PRKCD: variants seen among roughly 807,000 people sequenced by gnomAD.
The protein encoded by PRKCD is protein kinase C delta, also known as protein kinase C delta type.
PRKCD carries 20 observed loss-of-function variants against 82.2 expected under a neutral mutation model. The observed-to-expected ratio is 0.24, with a 90% CI of 0.17 to 0.35. The LOEUF (loss-of-function observed/expected upper bound fraction) is 0.35, where lower values mean the gene tolerates loss of function less well. Ranked by LOEUF, PRKCD falls within the 10% of genes least tolerant of loss-of-function variation. The probability of loss-of-function intolerance (pLI) is 1.00; values close to 1 mark genes in which losing one functional copy is unlikely to be tolerated. For missense variants in PRKCD, 607 were observed against 899.0 expected, an observed-to-expected ratio of 0.68 and a Z score of 4.15; for synonymous variants, 317 against 337.0, an observed-to-expected ratio of 0.94 and a Z score of 0.65.
chr3:53,189,282 T>G, intron 17 of PRKCD, 36 bp downstream of exon 17: 11 of 1,468,542 alleles, frequency 7.5e-6, no homozygotes, highest in East Asian at 2.4e-5. Context: ...TGGTCTGGGC[T>G]GGGCTGGGGC....
At chr3:53,174,676 G>C (rs1223925335) in intron 2 of PRKCD, among the ~76,000 whole-genome samples, 1 of 152,204 alleles carries the variant, frequency 6.6e-6, no homozygotes, top group African/African-American at 2.4e-5. Flanking sequence ...AAGATGTGGG[G>C]CTCTGGGTAG....
At chr3:53,163,479 C>T (rs557223280) in intron 1 of PRKCD, among the ~76,000 whole-genome samples, 2 of 152,038 alleles carry the variant, frequency 1.3e-5, no homozygotes, top group Admixed American at 1.3e-4. Context: ...ACCAAGACCT[C>T]GGGCTCTGTA....
rs781967950 is a variant in PRKCD at position 53,181,747 on chromosome 3, A to C, written c.571+15A>C. The C allele has an allele frequency of 3.7e-5, 59 of 1,614,060 alleles. No individual in the cohort carries two copies. The highest frequency in any genetic ancestry group is 4.8e-5 in the Non-Finnish European group (57 of 1,180,042). On this transcript the variant is annotated intron_variant, in intron 7 of 18. Coordinates refer to ENST00000330452, the MANE Select transcript of PRKCD (RefSeq NM_006254.4). The stretch of plus-strand genomic sequence containing the variant: ...CAAATGCAGGCGTAAGTGTCTCCAC[A>C]GGCCAGTTTGTACGTATGTACCCAT...
chr3:53,192,352 T>C lies in PRKCD; in HGVS notation c.*86T>C. ...AAGCACCAGTGGGACTGTGGTGACTTCTGCTGCTGGCCCCGCCCCTGCCCC... is the reference window on the plus strand; with the variant it reads ...AAGCACCAGTGGGACTGTGGTGACTCCTGCTGCTGGCCCCGCCCCTGCCCC... On this transcript the variant is annotated 3_prime_UTR_variant, in exon 19 of 19. Coordinates refer to ENST00000330452, the MANE Select transcript of PRKCD (RefSeq NM_006254.4). 6.6e-7 allele frequency: 1 copy of C among 1,515,152 alleles called. No individual in the cohort carries two copies. Among genetic ancestry groups the C allele is most frequent in the Non-Finnish European group, 9.1e-7 (1 of 1,102,292 alleles). The allele number at this position is 1,515,152 out of a possible 1,614,324, so 93.9% of individuals were successfully genotyped here. A position where few individuals can be genotyped will look rare whatever the true frequency, so the allele number is the denominator to read the frequency against.
At chr3:53,167,388 T>G (rs1575523694) in intron 2 of PRKCD, among the ~76,000 whole-genome samples, 1 of 152,164 alleles carries the variant, frequency 6.6e-6, no homozygotes, top group Admixed American at 6.5e-5. Flanking sequence ...GGCTCCTTTC[T>G]TGCTCTGAGC....
At chr3:53,187,054 C>T (rs1296528429) in intron 14 of PRKCD, among the ~76,000 whole-genome samples, 3 of 151,288 alleles carry the variant, frequency 2.0e-5, no homozygotes, top group Non-Finnish European at 3.0e-5. Context: ...CCAAACTAAC[C>T]GTGTATGTGT....
In PRKCD at chr3:53,185,907, A is replaced by G. The variant is rs782433902; in HGVS notation, c.986-20A>G. The G allele has an allele frequency of 1.9e-6, 3 of 1,612,394 alleles. No individual in the cohort carries two copies. The highest frequency in any genetic ancestry group is 2.5e-6 in the Non-Finnish European group (3 of 1,178,594). ...TGTAGACTGAGACCCCGATCTGAGGAGGTGCCATCTCTCGGGCAGACAACA... is the reference window on the plus strand; with the variant it reads ...TGTAGACTGAGACCCCGATCTGAGGGGGTGCCATCTCTCGGGCAGACAACA... On this transcript the variant is annotated intron_variant, in intron 11 of 18. Coordinates refer to ENST00000330452, the MANE Select transcript of PRKCD (RefSeq NM_006254.4).
chr3:53,182,406 T>C (rs1703480265), intron 7 of PRKCD, among the ~76,000 whole-genome samples: 1 of 152,098 alleles, frequency 6.6e-6, no homozygotes, highest in African/African-American at 2.4e-5. Flanking sequence ...GTAGCTGGGA[T>C]TACAGGCGTG....
At position 53,164,362 on chromosome 3, in the gene PRKCD, A is replaced by G. The variant is rs115825787; in HGVS notation, c.-131-742A>G. ...CATTTTGGGAAGCCGAGGCAGGTGG[A>G]TCACTTGGTCAGGAATTTGAGACCA... On this transcript the variant is annotated intron_variant, in intron 1 of 18. Coordinates refer to ENST00000330452, the MANE Select transcript of PRKCD (RefSeq NM_006254.4). 2.3e-3 allele frequency among the ~76,000 whole-genome samples: 354 copies of G among 152,332 alleles called. 2 individuals carry two copies. The highest frequency in any genetic ancestry group is 8.2e-3 in the African/African-American group (341 of 41,582).
chr3:53,188,541 T>G (rs924112902), intron 15 of PRKCD, among the ~76,000 whole-genome samples, 179 bp from the exon 16 acceptor site: 3 of 152,194 alleles, frequency 2.0e-5, no homozygotes, highest in Non-Finnish European at 4.4e-5. Flanking sequence ...AGTAGGGGAC[T>G]TGCAAGAAGC....
intron 2 of PRKCD, among the ~76,000 whole-genome samples, chr3:53,176,908 A>C (rs1703231613): frequency 6.6e-6 from 1 of 152,158 alleles, no homozygotes; most frequent in Non-Finnish European, 1.5e-5. Flanking sequence ...AGCTCACTGC[A>C]ACCTCTGCCT....
At chr3:53,183,682 AC>A in intron 9 of PRKCD, 101 bp downstream of exon 9, 1 of 1,481,080 alleles carries the variant, frequency 6.8e-7, no homozygotes, top group South Asian at 1.3e-5. Flanking sequence ...TCACCTGGAG[AC>A]GGGCACCTCA....
intron 1 of PRKCD, among the ~76,000 whole-genome samples, chr3:53,164,486 G>C (rs1553663538): frequency 6.6e-6 from 1 of 152,096 alleles, no homozygotes; most frequent in Non-Finnish European, 1.5e-5. Context: ...AGGAGGCTGA[G>C]GCACGAGAAT....
At chr3:53,188,888 C>G in intron 16 of PRKCD, 30 bp downstream of exon 16, 1 of 1,610,798 alleles carries the variant, frequency 6.2e-7, no homozygotes, top group Non-Finnish European at 8.5e-7. Context: ...GCCCCCCGCT[C>G]AGTCAGGCAC....
intron 1 of PRKCD, among the ~76,000 whole-genome samples, chr3:53,163,034 G>C (rs1477280554): frequency 2.0e-5 from 3 of 151,672 alleles, no homozygotes; most frequent in Non-Finnish European, 4.4e-5. Context: ...TGGTGAGCAG[G>C]CCAGCAGAGG....
Position 53,178,320 on chromosome 3 carries a change from G to T in PRKCD, c.-19-84G>T, listed in dbSNP as rs542501238. 16 of 785,672 alleles carry T rather than the reference G, an allele frequency of 2.0e-5. No individual in the cohort carries two copies. In the South Asian group the frequency reaches 2.5e-4, roughly 12 times the overall value. The allele number at this position is 785,672 out of a possible 1,614,324, so 48.7% of individuals were successfully genotyped here. On this transcript the variant is annotated intron_variant, in intron 2 of 18. Transcript: ENST00000330452. ...CCAAACCCAATCATAGCAGAGCCCTGGGGGAGCGGGTCCCTGAGTGCTGCC... is the reference window on the plus strand; with the variant it reads ...CCAAACCCAATCATAGCAGAGCCCTTGGGGAGCGGGTCCCTGAGTGCTGCC...
intron 17 of PRKCD, 81 bp downstream of exon 17, chr3:53,189,327 C>T (rs1703838994): frequency 2.1e-6 from 3 of 1,403,814 alleles, no homozygotes; most frequent in Non-Finnish European, 2.9e-6. Flanking sequence ...GGGTGAGGAG[C>T]TTCCTGTCTC....
rs782219896 is a variant in PRKCD, at chr3:53,186,695, C to T, written c.1352C>T (p.Thr451Met). The T allele has an allele frequency of 8.1e-6, 13 of 1,612,344 alleles. No homozygotes were observed. In the African/African-American group the frequency reaches 9.3e-5, roughly 12 times the overall value. ...DKGRFELYRA[T>M]FYAAEIMCGL... ...GGCCGCTTTGAACTCTACCGTGCCA[C>T]GTACGTAAGGGCCATGGTGGGGAAG... The change falls in exon 14 of 19, where the codon ACG (threonine) becomes ATG (methionine). Residue 451 changes from threonine (T) to methionine (M), a missense_variant and splice_region_variant. Physicochemically the swap from Thr to Met is moderately conservative, Grantham distance 81. Coordinates refer to ENST00000330452, the MANE Select transcript of PRKCD (RefSeq NM_006254.4).
At chr3:53,185,738 C>T (rs574741824) in intron 11 of PRKCD, 38 bp downstream of exon 11, 4 of 1,593,278 alleles carry the variant, frequency 2.5e-6, no homozygotes, top group Admixed American at 1.7e-5. Flanking sequence ...GGTTTTTATT[C>T]CCCCTGAGGC....
Sources: gnomAD v4.1 joint callset for allele counts (sites outside exome capture counted in the v4.1 genomes callset) on GRCh38, gnomAD v4.1.1 for gene constraint, MANE v1.5 for transcripts, NCBI Gene and HGNC (gene_info 2026-07-23, HGNC 2026-07-21) for gene names.